Variants in THSD4 observed in about 807,000 individuals in gnomAD.
THSD4 encodes thrombospondin type-1 domain-containing protein 4.
A neutral mutation model predicts 119.0 loss-of-function variants in THSD4; 69 were observed. The observed-to-expected ratio is 0.58, with a 90% CI of 0.48 to 0.71. The LOEUF (loss-of-function observed/expected upper bound fraction) is 0.71. Among genes scored for constraint, THSD4 ranks in the 30% least tolerant of loss-of-function variants. THSD4 has a pLI of 0.00. For missense variants in THSD4, 1,393 were observed against 1,391.1 expected, an observed-to-expected ratio of 1.00 and a Z score of -0.02; for synonymous variants, 524 against 540.4, an observed-to-expected ratio of 0.97 and a Z score of 0.42.
intron 7 of THSD4, among the ~76,000 whole-genome samples, chr15:71,426,548 A>G (rs925280436): frequency 6.6e-6 from 1 of 152,080 alleles, no homozygotes; most frequent in Non-Finnish European, 1.5e-5. Context: ...CTTTGCTTAG[A>G]GTTTATATTT....
chr15:71,762,851 T>C (rs1182030850), intron 15 of THSD4, among the ~76,000 whole-genome samples: 1 of 152,068 alleles, frequency 6.6e-6, no homozygotes, highest in Non-Finnish European at 1.5e-5. Flanking sequence ...GGCAGATCAC[T>C]TGAGGTGTCA....
intron 7 of THSD4, among the ~76,000 whole-genome samples, chr15:71,468,068 C>G (rs911718351): frequency 6.6e-6 from 1 of 152,040 alleles, no homozygotes; most frequent in Non-Finnish European, 1.5e-5. Context: ...AGGCTGGTCT[C>G]GAACTGCTGA....
At chr15:71,154,771 C>T in intron 2 of THSD4, 92 bp from the exon 3 acceptor site, 5 of 1,290,834 alleles carry the variant, frequency 3.9e-6, no homozygotes, top group Admixed American at 1.7e-5. Flanking sequence ...GTTCCCCCCC[C>T]ATCCACTGAT....
chr15:71,546,274 T>C (rs1350566814), intron 7 of THSD4, among the ~76,000 whole-genome samples: 1 of 152,032 alleles, frequency 6.6e-6, no homozygotes, highest in African/African-American at 2.4e-5. Context: ...AGTCATCCTA[T>C]CCTCTGTGGC....
chr15:71,713,302 T>C lies in THSD4; in HGVS notation c.1358-15247T>C, dbSNP rs546182856. 2.6e-5 allele frequency among the ~76,000 whole-genome samples: 4 copies of C among 152,326 alleles called. No individual in the cohort carries two copies. In the South Asian group the frequency reaches 8.3e-4, roughly 32 times the overall value. ...ACCCTCTGGCCTTTGGGAACTGCCCTCAGGAACTGTCTTGGTCCTTCCTGC... is the reference window on the plus strand; with the variant it reads ...ACCCTCTGGCCTTTGGGAACTGCCCCCAGGAACTGTCTTGGTCCTTCCTGC... On this transcript the variant is annotated intron_variant, in intron 8 of 17. Transcript: ENST00000261862.
At chr15:71,689,270 C>G (rs1290735616) in intron 8 of THSD4, among the ~76,000 whole-genome samples, 13 of 152,202 alleles carry the variant, frequency 8.5e-5, no homozygotes. Context: ...TCCTCGGATG[C>G]TCAGTAGCTC....
intron 7 of THSD4, among the ~76,000 whole-genome samples, chr15:71,511,848 C>T (rs2048288735): frequency 6.6e-6 from 1 of 152,238 alleles, no homozygotes; most frequent in Admixed American, 6.5e-5. Flanking sequence ...ATAAGAAAAG[C>T]TTGGTATTTA....
chr15:71,620,172 T>G (rs1309052036), intron 7 of THSD4, among the ~76,000 whole-genome samples: 1 of 152,228 alleles, frequency 6.6e-6, no homozygotes, highest in African/African-American at 2.4e-5. Context: ...TGTGAGGCTT[T>G]GGGAAAGTTA....
At chr15:71,775,659 T>C (rs1469920856) in intron 17 of THSD4, among the ~76,000 whole-genome samples, 2 of 152,102 alleles carry the variant, frequency 1.3e-5, no homozygotes, top group African/African-American at 4.8e-5. Flanking sequence ...TGCAATGAGC[T>C]GAGATAGAGC....
intron 15 of THSD4, among the ~76,000 whole-genome samples, chr15:71,759,326 A>G (rs773674430): frequency 3.9e-5 from 6 of 152,190 alleles, no homozygotes; most frequent in Non-Finnish European, 8.8e-5. Context: ...ACATTTGCTA[A>G]CTGATCCCAG....
At chr15:71,491,865 T>C (rs2047924461) in intron 7 of THSD4, among the ~76,000 whole-genome samples, 1 of 151,714 alleles carries the variant, frequency 6.6e-6, no homozygotes, top group Non-Finnish European at 1.5e-5. Context: ...TGAGGCCCCG[T>C]CTCAAAAAAG....
chr15:71,411,571 T>G (rs2046687272), intron 6 of THSD4, 116 bp from the exon 7 acceptor site: 2 of 1,158,238 alleles, frequency 1.7e-6, no homozygotes, highest in African/African-American at 3.1e-5. Flanking sequence ...CTTAATTTTG[T>G]GTTATACAAA....
chr15:71,500,324 G>A lies in THSD4; in HGVS notation c.1152+88501G>A, dbSNP rs1055708550. ...ACGTCCTGTGCCCATTTTTAAATTA[G>A]ATTTGTTGTTGTTGTTGAGTTGTAA... is the stretch of plus-strand genomic sequence containing the variant. On this transcript the variant is annotated intron_variant, in intron 7 of 17. Transcript: ENST00000261862. Among the ~76,000 whole-genome samples, 28 of 152,062 alleles carry A rather than the reference G, an allele frequency of 1.8e-4. 1 individual carries two copies. Among genetic ancestry groups the A allele is most frequent in the African/African-American group, 6.5e-4 (27 of 41,416 alleles).
At position 71,193,220 on chromosome 15, in the gene THSD4, G is replaced by A. The variant is rs189991098; in HGVS notation, c.100-21815G>A. Among the ~76,000 whole-genome samples, 43 of 152,198 alleles carry A rather than the reference G, an allele frequency of 2.8e-4. No homozygotes were observed. In the East Asian group the frequency reaches 2.9e-3, roughly 10 times the overall value. On this transcript the variant is annotated intron_variant, in intron 3 of 17. Transcript: ENST00000261862. ...TATTGTCTGGGGTTTCTTACTGGGC[G>A]TCCACACTCAGAAAGGACCCCCTCT...
intron 6 of THSD4, among the ~76,000 whole-genome samples, chr15:71,313,694 A>C (rs934512559): frequency 6.6e-6 from 1 of 152,094 alleles, no homozygotes; most frequent in Non-Finnish European, 1.5e-5. Flanking sequence ...TTCTTAGGAG[A>C]AGCATGTCAT....
chr15:71,240,621 G>C (rs1332177470), intron 4 of THSD4, among the ~76,000 whole-genome samples: 1 of 152,100 alleles, frequency 6.6e-6, no homozygotes, highest in African/African-American at 2.4e-5. Context: ...CCTTCAGCTA[G>C]GGTCTCCATT....
In THSD4 at chr15:71,569,682, T is replaced by G. The variant is rs548214092; in HGVS notation, c.1153-90848T>G. On this transcript the variant is annotated intron_variant, in intron 7 of 17. Transcript: ENST00000261862. ...CAAAGCAAAGAAAGAAACAATTGAA[T>G]GTGTAACTCATAGGTAAAAATAAGT... 3.1e-4 allele frequency among the ~76,000 whole-genome samples: 47 copies of G among 152,306 alleles called. No homozygotes were observed. The East Asian group carries it at 4.2e-3, about 14-fold the overall frequency.
intron 6 of THSD4, among the ~76,000 whole-genome samples, chr15:71,328,896 C>T (rs1038817932): frequency 6.6e-6 from 1 of 152,190 alleles, no homozygotes; most frequent in Non-Finnish European, 1.5e-5. Context: ...GTTCAAGTGG[C>T]CCGTGCTTGC....
intron 7 of THSD4, among the ~76,000 whole-genome samples, chr15:71,591,378 G>T (rs1046153977): frequency 6.6e-6 from 1 of 152,178 alleles, no homozygotes; most frequent in East Asian, 1.9e-4. Context: ...TCTGTTTTCT[G>T]TTTATGCATG....
Sources: allele counts gnomAD v4.1 joint callset (sites outside exome capture counted in the v4.1 genomes callset), GRCh38; gene constraint gnomAD v4.1.1; transcripts MANE v1.5; gene names NCBI Gene and HGNC (gene_info 2026-07-23, HGNC 2026-07-21).